Variants in SLIT1 observed in about 807,000 individuals in gnomAD.
SLIT1 encodes slit guidance ligand 1, also known as slit homolog 1 protein.
Under a neutral mutation model 186.1 loss-of-function variants are expected in SLIT1, and 66 were observed. The observed-to-expected ratio is 0.35, with a 90% CI of 0.29 to 0.44. The LOEUF is 0.44. SLIT1 is among the 20% of genes least tolerant of loss of function. SLIT1 has a pLI of 1.00. For synonymous variants in SLIT1, 761 were observed against 833.8 expected, an observed-to-expected ratio of 0.91 and a Z score of 1.50; for missense variants, 1,638 against 2,037.4, an observed-to-expected ratio of 0.80 and a Z score of 3.77.
intron 25 of SLIT1, among the ~76,000 whole-genome samples, chr10:97,028,550 T>C (rs976484676): frequency 6.6e-6 from 1 of 152,206 alleles, no homozygotes; most frequent in African/African-American, 2.4e-5. Context: ...CACATGCTGT[T>C]CCCTCTTCCT....
intron 9 of SLIT1, among the ~76,000 whole-genome samples, chr10:97,060,435 G>C (rs1848882768): frequency 1.3e-5 from 2 of 152,232 alleles, no homozygotes; most frequent in South Asian, 4.1e-4. Context: ...TGGGACCCCA[G>C]AGGGACACTC....
intron 3 of SLIT1, among the ~76,000 whole-genome samples, chr10:97,161,227 G>C (rs889253058): frequency 6.6e-6 from 1 of 152,188 alleles, no homozygotes; most frequent in Non-Finnish European, 1.5e-5. Context: ...CCCAGCACAA[G>C]AGGTGGAGCC....
intron 25 of SLIT1, among the ~76,000 whole-genome samples, chr10:97,030,194 A>C (rs933813164): frequency 1.3e-5 from 2 of 152,232 alleles, no homozygotes; most frequent in African/African-American, 4.8e-5. Context: ...AATCAAGCCC[A>C]CTGCTTTTAA....
chr10:97,046,811 C>T lies in SLIT1; in HGVS notation c.1710-14G>A, dbSNP rs201600247. On this transcript the variant is annotated splice_polypyrimidine_tract_variant and intron_variant, in intron 17 of 36. Transcript: ENST00000266058. The stretch of plus-strand genomic sequence containing the variant: ...TTGCTCAGATTGCTGGGAGAAGAGG[C>T]GGGGGGAGGATTACATATGGCCAGC... 70 of 1,609,512 alleles carry T rather than the reference C, an allele frequency of 4.3e-5. No homozygotes were observed. Among genetic ancestry groups the T allele is most frequent in the African/African-American group, 1.6e-4 (12 of 75,056 alleles).
intron 31 of SLIT1, among the ~76,000 whole-genome samples, chr10:97,007,983 AGGAG>A (rs202059802): frequency 4.3e-5 from 6 of 140,016 alleles, no homozygotes; most frequent in South Asian, 2.7e-4. Flanking sequence ...GAATGAAGGA[AGGAG>A]GGAGGGAGGG....
intron 4 of SLIT1, among the ~76,000 whole-genome samples, chr10:97,139,061 T>C (rs1849732210): frequency 6.6e-6 from 1 of 152,174 alleles, no homozygotes; most frequent in Non-Finnish European, 1.5e-5. Context: ...AATGAGTTGG[T>C]CGGGTGAATG....
At chr10:97,026,343 A>G (rs932052053) in intron 25 of SLIT1, among the ~76,000 whole-genome samples, 13 of 152,158 alleles carry the variant, frequency 8.5e-5, no homozygotes, top group African/African-American at 2.9e-4. Flanking sequence ...AGGTGCCTAT[A>G]ATCCCAGCTA....
chr10:97,121,241 T>A (rs1205966451), intron 4 of SLIT1, among the ~76,000 whole-genome samples: 1 of 152,196 alleles, frequency 6.6e-6, no homozygotes, highest in Non-Finnish European at 1.5e-5. Flanking sequence ...TGCACATTGT[T>A]CCATAATTAC....
At chr10:97,076,024 G>T (rs1849042240) in intron 4 of SLIT1, among the ~76,000 whole-genome samples, 1 of 152,136 alleles carries the variant, frequency 6.6e-6, no homozygotes, top group Non-Finnish European at 1.5e-5. Context: ...CTCAGCTGCA[G>T]CTCACCAAGG....
rs1848403057 is a variant in SLIT1, at chr10:97,010,730, A to C, written c.3341+263T>G. On this transcript the variant is annotated intron_variant, in intron 31 of 36. Coordinates refer to ENST00000266058, the MANE Select transcript of SLIT1 (RefSeq NM_003061.3). This position sits in a 1 kb window ranked among gnomAD's most constrained non-coding sequence, Gnocchi z 4.8. ...AGAGGCTCAGGTAGGCAGGTAAGTG[A>C]CAGCACACTGCCCTGTCATCTGCAC... Among the ~76,000 whole-genome samples the C allele has an allele frequency of 6.6e-6, 1 of 152,076 alleles. No individual in the cohort carries two copies. Among genetic ancestry groups the C allele is most frequent in the Admixed American group, 6.5e-5 (1 of 15,278 alleles).
At chr10:97,100,193 C>T (rs184530329) in intron 4 of SLIT1, among the ~76,000 whole-genome samples, 1 of 152,266 alleles carries the variant, frequency 6.6e-6, no homozygotes, top group East Asian at 1.9e-4. Context: ...GACATGAATA[C>T]GCCCCTTCCC....
At chr10:97,183,957 TG>T (rs1473316546) in intron 1 of SLIT1, among the ~76,000 whole-genome samples, 2 of 151,594 alleles carry the variant, frequency 1.3e-5, no homozygotes, top group East Asian at 3.9e-4. Context: ...AAACTCAGTT[TG>T]GTACCACCTC....
chr10:97,082,159 G>A (rs897723609), intron 4 of SLIT1, among the ~76,000 whole-genome samples: 5 of 152,246 alleles, frequency 3.3e-5, no homozygotes, highest in African/African-American at 1.2e-4. Context: ...CCTCCCCGCT[G>A]CCTGCCTGAA....
chr10:97,036,223 A>G (rs1230325789), intron 22 of SLIT1, among the ~76,000 whole-genome samples: 6 of 152,198 alleles, frequency 3.9e-5, no homozygotes, highest in African/African-American at 1.4e-4. Flanking sequence ...AGATACATTT[A>G]AGTGCTCTAC....
At chr10:97,069,021 C>T (rs938429586) in intron 4 of SLIT1, among the ~76,000 whole-genome samples, 1 of 152,232 alleles carries the variant, frequency 6.6e-6, no homozygotes, top group Admixed American at 6.5e-5. Context: ...TAAGAAATTG[C>T]TACCCTGGTG....
chr10:97,151,349 T>C (rs1849876487), intron 4 of SLIT1, among the ~76,000 whole-genome samples: 1 of 120,482 alleles, frequency 8.3e-6, no homozygotes, highest in South Asian at 2.6e-4. Context: ...GGTAGATGCG[T>C]ACGTGGGAGG....
In SLIT1 at chr10:97,034,671, A is replaced by G. The variant is rs913074390; in HGVS notation, c.2367-129T>C. ...GCCAGGTTGGCCAGGGGTGGAGAGGAGCCCTGGTGCACAGCCTCGGGTCTC... is the reference window on the plus strand; with the variant it reads ...GCCAGGTTGGCCAGGGGTGGAGAGGGGCCCTGGTGCACAGCCTCGGGTCTC... On this transcript the variant is annotated intron_variant, in intron 22 of 36. Transcript: ENST00000266058. The G allele has an allele frequency of 5.3e-6, 4 of 758,978 alleles. No individual in the cohort carries two copies. The African/African-American group carries it at 6.9e-5, about 13-fold the overall frequency. 47.0% of individuals were successfully genotyped at this position (758,978 alleles called of 1,614,324 possible). A position where few individuals can be genotyped will look rare whatever the true frequency, so the allele number is the denominator to read the frequency against.
At chr10:97,052,283 G>A (rs1044790904) in intron 13 of SLIT1, among the ~76,000 whole-genome samples, 3 of 151,910 alleles carry the variant, frequency 2.0e-5, no homozygotes, top group Non-Finnish European at 4.4e-5. Context: ...ATTTTGTGTA[G>A]AGGTGGGGAT....
At chr10:97,130,042 C>T (rs2134694116) in intron 4 of SLIT1, among the ~76,000 whole-genome samples, 1 of 152,312 alleles carries the variant, frequency 6.6e-6, no homozygotes, top group Non-Finnish European at 1.5e-5. Flanking sequence ...CCTCTTCTGG[C>T]AGGGCAGCCT....
Sources: gnomAD v4.1 joint callset for allele counts (sites outside exome capture counted in the v4.1 genomes callset) on GRCh38, gnomAD v4.1.1 for gene constraint, Gnocchi (gnomAD v3.1) non-coding constraint, MANE v1.5 for transcripts, NCBI Gene and HGNC (gene_info 2026-07-23, HGNC 2026-07-21) for gene names.